SEC23B: variants seen among roughly 807,000 people sequenced by gnomAD.
SEC23B encodes SEC23 homolog B, COPII component.
Under a neutral mutation model 104.3 loss-of-function variants are expected in SEC23B, and 77 were observed. That is an observed-to-expected ratio of 0.74 (90% CI 0.61 to 0.89). The LOEUF (loss-of-function observed/expected upper bound fraction) is 0.89. Among genes scored for constraint, SEC23B ranks in the 40% least tolerant of loss-of-function variants. The pLI is 0.00. For synonymous variants in SEC23B, 338 were observed against 332.5 expected (o/e 1.02, Z -0.18); for missense variants, 885 against 949.4 (o/e 0.93, Z 0.89).
Position 18,527,630 on chromosome 20 carries a change from C to G in SEC23B, c.1109+19C>G, listed in dbSNP as rs2060146006. 2.1e-6 allele frequency: 3 copies of G among 1,421,450 alleles called. No individual in the cohort carries two copies. Among genetic ancestry groups the G allele is most frequent in the Non-Finnish European group, 3.0e-6 (3 of 1,004,002 alleles). The allele number at this position is 1,421,450 out of a possible 1,614,324, so 88.1% of individuals were successfully genotyped here. ...TTACTGGGTATGTTGACAGTGAAAA[C>G]CTGGGCAGAGTGACAGTGTTATTTT... On this transcript the variant is annotated intron_variant, in intron 9 of 19. Coordinates refer to ENST00000650089, the MANE Select transcript of SEC23B (RefSeq NM_006363.6).
chr20:18,516,473 G>A (rs1600229779), intron 4 of SEC23B, among the ~76,000 whole-genome samples: 1 of 149,756 alleles, frequency 6.7e-6, no homozygotes, highest in African/African-American at 2.5e-5. Context: ...CTGTAGCTTT[G>A]TAATGTGCTT....
chr20:18,550,100 G>C (rs1367231248), intron 16 of SEC23B, among the ~76,000 whole-genome samples: 2 of 147,432 alleles, frequency 1.4e-5, no homozygotes, highest in African/African-American at 2.5e-5. Context: ...GATTATATAT[G>C]TATATATAAA....
intron 19 of SEC23B, among the ~76,000 whole-genome samples, chr20:18,556,676 T>C (rs2060441475): frequency 6.6e-6 from 1 of 152,252 alleles, no homozygotes; most frequent in African/African-American, 2.4e-5. Context: ...GTCATTGTTA[T>C]TTCCTCTCTC....
intron 9 of SEC23B, 47 bp from the exon 10 acceptor site, chr20:18,530,633 G>T: frequency 6.2e-7 from 1 of 1,604,660 alleles, no homozygotes; most frequent in Non-Finnish European, 8.5e-7. Context: ...CATCTGAATG[G>T]CTTTCAATCT....
chr20:18,540,468 G>A (rs984410328), intron 12 of SEC23B, among the ~76,000 whole-genome samples: 1 of 152,148 alleles, frequency 6.6e-6, no homozygotes, highest in Non-Finnish European at 1.5e-5. Flanking sequence ...AGGCTTTGTT[G>A]TTCCTTTTGT....
intron 17 of SEC23B, among the ~76,000 whole-genome samples, chr20:18,551,995 A>G (rs1201552205): frequency 6.6e-6 from 1 of 151,998 alleles, no homozygotes; most frequent in South Asian, 2.1e-4. Flanking sequence ...CTTTCAGTCC[A>G]TTTCTTTCTC....
chr20:18,530,814 C>G lies in SEC23B; in HGVS notation c.1233+11C>G. On this transcript the variant is annotated intron_variant, in intron 10 of 19. Coordinates refer to ENST00000650089, the MANE Select transcript of SEC23B (RefSeq NM_006363.6). ...ACTTTGGACGTAAAGGTACGGTAAA[C>G]TTTTTTTTTTTTTTATGTGGACTCA... is the stretch of plus-strand genomic sequence containing the variant. 1 of 1,438,314 alleles carries G rather than the reference C, an allele frequency of 7.0e-7. No homozygotes were observed. The highest frequency in any genetic ancestry group is 1.2e-5 in the South Asian group (1 of 84,854). The allele number at this position is 1,438,314 out of a possible 1,614,324, so 89.1% of individuals were successfully genotyped here. A position where few individuals can be genotyped will look rare whatever the true frequency, so the allele number is the denominator to read the frequency against.
chr20:18,516,874 T>C (rs930170034), intron 4 of SEC23B, among the ~76,000 whole-genome samples: 35 of 152,152 alleles, frequency 2.3e-4, no homozygotes, highest in African/African-American at 8.0e-4. Flanking sequence ...CTCTTTATTG[T>C]CCTTTGAGAT....
chr20:18,524,598 C>CTAAG lies in SEC23B; in HGVS notation c.533_536dup (p.Cys180LysfsTer3). The CTAAG allele has an allele frequency of 6.2e-7, 1 of 1,614,210 alleles. No individual in the cohort carries two copies. Among genetic ancestry groups the CTAAG allele is most frequent in the Non-Finnish European group, 8.5e-7 (1 of 1,180,036 alleles). ...TGGAAGGATGGTGCAGGTTCATGAG[C>CTAAG]TAAGCTGTGAAGGAATCTCCAAAAG... On this transcript the variant is annotated frameshift_variant, in exon 5 of 20. Transcript: ENST00000650089. LOFTEE classifies it high-confidence loss of function.
intron 12 of SEC23B, among the ~76,000 whole-genome samples, chr20:18,538,500 G>A (rs144450088): frequency 3.7e-3 from 566 of 151,884 alleles, no homozygotes; most frequent in Non-Finnish European, 5.7e-3. Context: ...TGATCCGCAC[G>A]TCTCTGCCTT....
intron 10 of SEC23B, among the ~76,000 whole-genome samples, chr20:18,531,215 A>C (rs2060184037): frequency 6.6e-6 from 1 of 152,244 alleles, no homozygotes; most frequent in Non-Finnish European, 1.5e-5. Flanking sequence ...AAGAGGAAGT[A>C]GGGTGGGTGT....
Position 18,510,875 on chromosome 20 carries a change from C to T in SEC23B, c.40C>T (p.Arg14Trp), listed in dbSNP as rs121918222. The change falls in exon 2 of 20, where the codon CGG becomes TGG. Residue 14 changes from arginine (R) to tryptophan (W), a missense_variant. Transcript: ENST00000650089. ...YLEFIQQNEE[R>W]DGVRFSWNVW... Reference sequence around the variant, plus strand: ...GGAGTTCATCCAGCAGAATGAAGAACGGGATGGTGTGCGTTTTAGTTGGAA... The same window carrying T: ...GGAGTTCATCCAGCAGAATGAAGAATGGGATGGTGTGCGTTTTAGTTGGAA... The T allele has an allele frequency of 1.2e-4, 200 of 1,613,968 alleles. No homozygotes were observed. The highest frequency in any genetic ancestry group is 8.2e-4 in the Middle Eastern group (5 of 6,084).
At chr20:18,550,860 C>T (rs2060381179) in intron 16 of SEC23B, among the ~76,000 whole-genome samples, 1 of 151,926 alleles carries the variant, frequency 6.6e-6, no homozygotes, top group South Asian at 2.1e-4. Flanking sequence ...TCTCCGTTCT[C>T]AATTGATGAG....
At position 18,554,401 on chromosome 20, in the gene SEC23B, T is replaced by C. The variant is rs1343594337; in HGVS notation, c.2148+11T>C. ...CATGGAGGCAGTCAGGTGAGTGAGC[T>C]GAGTTCTAACTCCAGTGGTTTGTTC... On this transcript the variant is annotated intron_variant, in intron 18 of 19. Transcript: ENST00000650089. 1.9e-6 allele frequency: 3 copies of C among 1,614,194 alleles called. No individual in the cohort carries two copies. The highest frequency in any genetic ancestry group is 2.5e-6 in the Non-Finnish European group (3 of 1,179,984).
chr20:18,520,469 GC>G (rs931436079), intron 4 of SEC23B, among the ~76,000 whole-genome samples: 3 of 152,142 alleles, frequency 2.0e-5, no homozygotes, highest in Non-Finnish European at 2.9e-5. Context: ...AGAGGAGGAT[GC>G]GAAGGAGGCT....
intron 4 of SEC23B, among the ~76,000 whole-genome samples, chr20:18,523,397 C>CTTTTTTTTTTTTTTTTT (rs112136906): frequency 3.1e-5 from 4 of 130,554 alleles, no homozygotes; most frequent in Non-Finnish European, 4.7e-5. Flanking sequence ...TCTTTCCTTT[C>CTTTTTTTTTTTTTTTTT]TTTTTTTTTT....
intron 12 of SEC23B, among the ~76,000 whole-genome samples, chr20:18,536,840 G>A (rs1453388426): frequency 6.6e-6 from 1 of 152,156 alleles, no homozygotes; most frequent in African/African-American, 2.4e-5. Context: ...TTACAATAAA[G>A]TAAGCTAGAG....
intron 15 of SEC23B, among the ~76,000 whole-genome samples, chr20:18,547,363 G>T (rs573034881): frequency 1.3e-5 from 2 of 152,232 alleles, no homozygotes; most frequent in African/African-American, 4.8e-5. Flanking sequence ...CTTGCATGTA[G>T]GATGTATTAG....
intron 19 of SEC23B, among the ~76,000 whole-genome samples, chr20:18,555,678 A>G (rs779026500): frequency 2.7e-4 from 41 of 152,132 alleles, no homozygotes; most frequent in Non-Finnish European, 5.0e-4. Flanking sequence ...TTTAAATTAA[A>G]TTTTTTTGAG....
Sources: gnomAD v4.1 joint callset for allele counts (sites outside exome capture counted in the v4.1 genomes callset) on GRCh38, gnomAD v4.1.1 for gene constraint, MANE v1.5 for transcripts, NCBI Gene and HGNC (gene_info 2026-07-23, HGNC 2026-07-21) for gene names.